The following SCUBE1 variants were observed in gnomAD, a reference collection of about 807,000 sequenced individuals.
The protein encoded by SCUBE1 is signal peptide, CUB domain and EGF like domain containing 1.
Under a neutral mutation model 124.4 loss-of-function variants are expected in SCUBE1, and 59 were observed. The observed-to-expected ratio is 0.47, with a 90% CI of 0.38 to 0.59. The LOEUF (loss-of-function observed/expected upper bound fraction) is 0.59, where lower values mean the gene tolerates loss of function less well. Ranked by LOEUF, SCUBE1 falls within the 20% of genes least tolerant of loss-of-function variation. SCUBE1 has a pLI of 0.00. For missense variants in SCUBE1, 1,150 were observed against 1,371.2 expected (o/e 0.84, Z 2.55); for synonymous variants, 545 against 550.9 (o/e 0.99, Z 0.15).
intron 21 of SCUBE1, 78 bp from the exon 22 acceptor site, chr22:43,204,227 G>A: frequency 7.3e-7 from 1 of 1,365,132 alleles, no homozygotes; most frequent in African/African-American, 1.4e-5. Context: ...GCTGGGGGAG[G>A]GGAGAGAGAT....
intron 7 of SCUBE1, among the ~76,000 whole-genome samples, chr22:43,236,795 A>G (rs1407540983): frequency 6.6e-6 from 1 of 152,180 alleles, no homozygotes; most frequent in East Asian, 1.9e-4. Flanking sequence ...CAATTATCTC[A>G]GTGATTTTAA....
At chr22:43,207,705 G>C in intron 20 of SCUBE1, 92 bp from the exon 21 acceptor site, 1 of 1,002,770 alleles carries the variant, frequency 1.0e-6, no homozygotes, top group Admixed American at 1.8e-5. Flanking sequence ...TCCCTCCTGT[G>C]CTCCAGCCAC....
At position 43,211,860 on chromosome 22, in the gene SCUBE1, T is replaced by C. The variant is rs1020445306; in HGVS notation, c.2221+565A>G. On this transcript the variant is annotated intron_variant, in intron 17 of 21. Transcript: ENST00000360835. The surrounding 1 kb of genome is among the most constrained non-coding windows in gnomAD (Gnocchi z 4.5). ...ATGGGCAAATTCAGAACAGTTTGTATGTGCAGGGGAGTATCTGGTGATGTG... is the reference window on the plus strand; with the variant it reads ...ATGGGCAAATTCAGAACAGTTTGTACGTGCAGGGGAGTATCTGGTGATGTG... Among the ~76,000 whole-genome samples, 2 of 152,080 alleles carry C rather than the reference T, an allele frequency of 1.3e-5. No homozygotes were observed. Among genetic ancestry groups the C allele is most frequent in the Non-Finnish European group, 2.9e-5 (2 of 68,006 alleles).
intron 3 of SCUBE1, among the ~76,000 whole-genome samples, chr22:43,300,296 C>CTTT (rs58777690): frequency 6.8e-6 from 1 of 147,756 alleles, no homozygotes. Flanking sequence ...CCTTTCTGGG[C>CTTT]TTTTTTTTTT....
chr22:43,292,586 C>CACACACACAG (rs1925405584), intron 3 of SCUBE1, among the ~76,000 whole-genome samples: 1 of 151,864 alleles, frequency 6.6e-6, no homozygotes, highest in South Asian at 2.1e-4. Context: ...CACACACACA[C>CACACACACAG]ACACACACAC....
rs148300839 is a variant in SCUBE1, at chr22:43,210,197, G to A, written c.2427C>T (p.Ile809=). ...GGELGDYTGY[I]ESPNYPGDYP... is the part of the protein sequence containing the mutation. ...AGTCGCCAGGGTAGTTGGGGGACTCGATGTAGCCGGTGTAGTCACCAAGCT... is the reference window on the plus strand; with the variant it reads ...AGTCGCCAGGGTAGTTGGGGGACTCAATGTAGCCGGTGTAGTCACCAAGCT... The change falls in exon 19 of 22, where the codon ATC becomes ATT. Residue 809 remains isoleucine (I), a synonymous_variant. Coordinates refer to ENST00000360835, the MANE Select transcript of SCUBE1 (RefSeq NM_173050.5). This position sits in a 1 kb window ranked among gnomAD's most constrained non-coding sequence, Gnocchi z 4.5. The A allele has an allele frequency of 1.6e-5, 25 of 1,594,140 alleles. No individual in the cohort carries two copies. Among genetic ancestry groups the A allele is most frequent in the Middle Eastern group, 3.3e-4 (2 of 5,978 alleles).
chr22:43,313,997 C>A (rs1295653290), intron 3 of SCUBE1, among the ~76,000 whole-genome samples: 1 of 152,202 alleles, frequency 6.6e-6, no homozygotes, highest in Non-Finnish European at 1.5e-5. Context: ...TACAACTGGA[C>A]AAGACTCTTG....
chr22:43,203,840 G>T lies in SCUBE1; in HGVS notation c.*157C>A, dbSNP rs1921105305. 1.4e-6 allele frequency: 1 copy of T among 721,818 alleles called. No homozygotes were observed. The highest frequency in any genetic ancestry group is 2.2e-6 in the Non-Finnish European group (1 of 447,106). The allele number at this position is 721,818 out of a possible 1,614,324, so 44.7% of individuals were successfully genotyped here. Reference sequence around the variant, plus strand: ...TCCCACAGGGGCAGCGGGTCCGAAGGGTGCCTGGGCTCGGTCTCCATGGGC... The same window carrying T: ...TCCCACAGGGGCAGCGGGTCCGAAGTGTGCCTGGGCTCGGTCTCCATGGGC... On this transcript the variant is annotated 3_prime_UTR_variant, in exon 22 of 22. Coordinates refer to ENST00000360835, the MANE Select transcript of SCUBE1 (RefSeq NM_173050.5).
intron 7 of SCUBE1, among the ~76,000 whole-genome samples, chr22:43,233,917 T>A (rs1454901832): frequency 6.6e-6 from 1 of 151,842 alleles, no homozygotes; most frequent in Non-Finnish European, 1.5e-5. Flanking sequence ...ACATGGCATG[T>A]ACTTTCTGGT....
chr22:43,249,397 T>C (rs1376052569), intron 6 of SCUBE1, among the ~76,000 whole-genome samples: 1 of 152,034 alleles, frequency 6.6e-6, no homozygotes, highest in Non-Finnish European at 1.5e-5. Flanking sequence ...AGAAGTGACA[T>C]TGGCCATGCC....
At chr22:43,222,872 C>T (rs1204917266) in intron 11 of SCUBE1, 130 bp from the exon 12 acceptor site, 2 of 954,638 alleles carry the variant, frequency 2.1e-6, no homozygotes, top group Admixed American at 2.4e-5. Context: ...GTTTCTGCTA[C>T]ACAACCACAG....
chr22:43,286,497 C>T lies in SCUBE1; in HGVS notation c.484+4549G>A, dbSNP rs117250968. Among the ~76,000 whole-genome samples, 73 of 152,366 alleles carry T rather than the reference C, an allele frequency of 4.8e-4. 1 individual carries two copies. In the East Asian group the frequency reaches 0.013, roughly 28 times the overall value. On this transcript the variant is annotated intron_variant, in intron 4 of 21. Coordinates refer to ENST00000360835, the MANE Select transcript of SCUBE1 (RefSeq NM_173050.5). Reference sequence around the variant, plus strand: ...CATGGAGGGCCAGTGGCATCTCAAACCCAAAGCTGCTGGCAGCCAGTGAGG... The same window carrying T: ...CATGGAGGGCCAGTGGCATCTCAAATCCAAAGCTGCTGGCAGCCAGTGAGG...
At chr22:43,281,533 C>CCTCAGCCACCCTCCTGTCACCTCCCT (rs568020364) in intron 4 of SCUBE1, among the ~76,000 whole-genome samples, 12 of 63,530 alleles carry the variant, frequency 1.9e-4, no homozygotes, top group African/African-American at 1.3e-3. Context: ...CCTGTCACCT[C>CCTCAGCCACCCTCCTGTCACCTCCCT]CCTCAGTCAC....
intron 16 of SCUBE1, 44 bp downstream of exon 16, chr22:43,214,046 C>CCGGGGGG: frequency 1.4e-5 from 6 of 422,700 alleles, no homozygotes; most frequent in Non-Finnish European, 2.5e-5. Flanking sequence ...GAGGAGCCCC[C>CCGGGGGG]GCCCACCCCC....
At chr22:43,323,364 A>T (rs1239222128) in intron 2 of SCUBE1, among the ~76,000 whole-genome samples, 1 of 152,050 alleles carries the variant, frequency 6.6e-6, no homozygotes, top group African/African-American at 2.4e-5. Flanking sequence ...ATCCATTCAA[A>T]TATCTACTCA....
intron 3 of SCUBE1, among the ~76,000 whole-genome samples, chr22:43,299,413 A>G (rs765663702): frequency 1.3e-5 from 2 of 152,210 alleles, no homozygotes; most frequent in Non-Finnish European, 2.9e-5. Flanking sequence ...CTGGTCTCCA[A>G]GTGAAGCCGC....
At chr22:43,276,037 CGGTCACACTA>C (rs1924501054) in intron 4 of SCUBE1, 1 of 152,286 alleles carries the variant, frequency 6.6e-6, no homozygotes, top group African/African-American at 2.4e-5. Context: ...ACGTGGGATC[CGGTCACACTA>C]GGATGTGGGA....
At chr22:43,273,862 C>T (rs989953349) in intron 4 of SCUBE1, among the ~76,000 whole-genome samples, 1 of 152,076 alleles carries the variant, frequency 6.6e-6, no homozygotes, top group East Asian at 1.9e-4. Context: ...TGTGAGCCAC[C>T]ACGCGCAGCT....
rs1054770864 is a variant in SCUBE1, at chr22:43,234,287, G to T, written c.845-2412C>A. ...GGAAAGGCACCTCTCTGAGCCTTAGGATCCCATCTGCAAACTGGGCTGCTA... is the reference window on the plus strand; with the variant it reads ...GGAAAGGCACCTCTCTGAGCCTTAGTATCCCATCTGCAAACTGGGCTGCTA... On this transcript the variant is annotated intron_variant, in intron 7 of 21. Transcript: ENST00000360835. The surrounding 1 kb of genome is among the most constrained non-coding windows in gnomAD (Gnocchi z 4.4). Among the ~76,000 whole-genome samples the T allele has an allele frequency of 1.2e-4, 18 of 152,186 alleles. No individual in the cohort carries two copies. Among genetic ancestry groups the T allele is most frequent in the African/African-American group, 4.3e-4 (18 of 41,456 alleles).
Sources: gnomAD v4.1 joint callset for allele counts (sites outside exome capture counted in the v4.1 genomes callset) on GRCh38, gnomAD v4.1.1 for gene constraint, Gnocchi (gnomAD v3.1) non-coding constraint, MANE v1.5 for transcripts, NCBI Gene and HGNC (gene_info 2026-07-23, HGNC 2026-07-21) for gene names.